SAMD5: variants seen among roughly 807,000 people sequenced by gnomAD.
The protein encoded by SAMD5 is sterile alpha motif domain containing 5.
Under a neutral mutation model 11.3 loss-of-function variants are expected in SAMD5, and 13 were observed. The observed-to-expected ratio is 1.15, with a 90% CI of 0.75 to 1.83. SAMD5 has a LOEUF of 1.83. Ranked by LOEUF, SAMD5 falls within the 40% of genes most tolerant of loss-of-function variation. SAMD5 has a pLI of 0.00. For synonymous variants in SAMD5, 129 were observed against 111.3 expected (o/e 1.16, Z -1.00); for missense variants, 255 against 239.1 (o/e 1.07, Z -0.44).
At chr6:147,777,358 A>G in the SAMD5 span, among the ~76,000 whole-genome samples, 1 of 152,062 alleles carries the variant, frequency 6.6e-6, no homozygotes, top group African/African-American at 2.4e-5. Flanking sequence ...CTCCACTGTC[A>G]TTTCTCAGTC....
chr6:147,734,438 C>T (rs988308066), intron 1 of SAMD5, among the ~76,000 whole-genome samples: 6 of 151,974 alleles, frequency 3.9e-5, no homozygotes, highest in East Asian at 1.9e-4. Flanking sequence ...AGACCCAGAC[C>T]GGGCGTGGTG....
chr6:147,836,168 A>G, the SAMD5 span, among the ~76,000 whole-genome samples: 2 of 152,302 alleles, frequency 1.3e-5, no homozygotes, highest in South Asian at 2.1e-4. Context: ...AGAATTTCTC[A>G]TTAAGCTGAT....
intron 1 of SAMD5, among the ~76,000 whole-genome samples, chr6:147,546,459 G>A (rs2128442618): frequency 6.6e-6 from 1 of 151,762 alleles, no homozygotes; most frequent in East Asian, 1.9e-4. Flanking sequence ...GAACCCAGGA[G>A]GTGGAGTTTG....
chr6:147,579,247 T>C (rs1008204637), intron 1 of SAMD5, among the ~76,000 whole-genome samples: 2 of 152,198 alleles, frequency 1.3e-5, no homozygotes, highest in Non-Finnish European at 2.9e-5. Context: ...TCCTGATACA[T>C]GCTTACATAC....
intron 1 of SAMD5, among the ~76,000 whole-genome samples, chr6:147,646,409 G>A (rs555048006): frequency 2.6e-4 from 40 of 151,114 alleles, no homozygotes; most frequent in African/African-American, 6.7e-4. Context: ...TGACCTGTTC[G>A]GTTTCCACTT....
the SAMD5 span, among the ~76,000 whole-genome samples, chr6:147,940,491 T>C: frequency 6.6e-6 from 1 of 152,294 alleles, no homozygotes; most frequent in South Asian, 2.1e-4. Context: ...GCATTGCAGC[T>C]TTTCTGGCAC....
the SAMD5 span, among the ~76,000 whole-genome samples, chr6:147,753,466 G>A: frequency 9.2e-4 from 140 of 152,214 alleles, no homozygotes; most frequent in Admixed American, 3.7e-3. Flanking sequence ...GGGTACATGC[G>A]ATGTTTTGAT....
intron 1 of SAMD5, among the ~76,000 whole-genome samples, chr6:147,594,811 A>G (rs550989031): frequency 6.6e-6 from 1 of 152,314 alleles, no homozygotes; most frequent in East Asian, 1.9e-4. Context: ...TCTTCAGGTA[A>G]TTCAAGAGGT....
At position 147,630,576 on chromosome 6, in the gene SAMD5, A is replaced by C. The variant is rs939577469; in HGVS notation, c.163-106741A>C. Among the ~76,000 whole-genome samples the C allele has an allele frequency of 2.6e-5, 4 of 151,572 alleles. No individual in the cohort carries two copies. In the South Asian group the frequency reaches 6.3e-4, roughly 24 times the overall value. On this transcript the variant is annotated intron_variant, in intron 1 of 1. Transcript: ENST00000566741. ...CCCCACCCCTGCCAGCCAGAGAGCA[A>C]CCCCCTTTGACTGTAATTTTCCATT...
intron 1 of SAMD5, among the ~76,000 whole-genome samples, chr6:147,718,539 AG>A (rs1295464631): frequency 1.3e-5 from 2 of 152,228 alleles, no homozygotes; most frequent in African/African-American, 4.8e-5. Flanking sequence ...TTACTGAAGT[AG>A]AAAAAGAATA....
intron 1 of SAMD5, among the ~76,000 whole-genome samples, chr6:147,621,384 T>C (rs956228337): frequency 2.0e-5 from 3 of 152,122 alleles, no homozygotes; most frequent in East Asian, 1.9e-4. Flanking sequence ...TGAGTCAAGG[T>C]TGGAGATGGG....
the SAMD5 span, among the ~76,000 whole-genome samples, chr6:147,905,167 C>T: frequency 2.0e-5 from 3 of 151,896 alleles, no homozygotes; most frequent in South Asian, 4.2e-4. Flanking sequence ...GGATTACAGG[C>T]GTGAGCCACT....
At chr6:147,833,186 G>A in the SAMD5 span, among the ~76,000 whole-genome samples, 1 of 152,136 alleles carries the variant, frequency 6.6e-6, no homozygotes, top group East Asian at 1.9e-4. Flanking sequence ...AGGCTGTGTG[G>A]CTCTTTATGC....
At chr6:147,556,892 C>A (rs1562319817) in intron 1 of SAMD5, among the ~76,000 whole-genome samples, 1 of 152,258 alleles carries the variant, frequency 6.6e-6, no homozygotes, top group South Asian at 2.1e-4. Flanking sequence ...AACCTTCTCT[C>A]TTGTCTTGCA....
At chr6:147,625,023 A>G (rs1464196048) in intron 1 of SAMD5, among the ~76,000 whole-genome samples, 3 of 152,166 alleles carry the variant, frequency 2.0e-5, no homozygotes, top group Non-Finnish European at 4.4e-5. Flanking sequence ...AGCGCCCAGA[A>G]CTCAGGGTAG....
chr6:147,880,367 A>C, the SAMD5 span, among the ~76,000 whole-genome samples: 1 of 151,942 alleles, frequency 6.6e-6, no homozygotes, highest in Non-Finnish European at 1.5e-5. Flanking sequence ...TTGCACACAC[A>C]CACACAGAGA....
rs1221733165 is a variant in SAMD5, at chr6:147,569,408, T to C, written c.*4952T>C. On this transcript the variant is annotated 3_prime_UTR_variant, in exon 2 of 2. Coordinates refer to ENST00000367474, the MANE Select transcript of SAMD5 (RefSeq NM_001030060.3). ...ATTCCATGTTAAGAGCTAAGTAGTA[T>C]TTTTTTCTTAACAATTTTGCCAAAA... 2.1e-6 allele frequency: 2 copies of C among 961,568 alleles called. No individual in the cohort carries two copies. Among genetic ancestry groups the C allele is most frequent in the Non-Finnish European group, 2.5e-6 (2 of 808,356 alleles). The allele number at this position is 961,568 out of a possible 1,614,324, so 59.6% of individuals were successfully genotyped here. A position where few individuals can be genotyped will look rare whatever the true frequency, so the allele number is the denominator to read the frequency against.
chr6:147,816,301 A>AATAT, the SAMD5 span, among the ~76,000 whole-genome samples: 128 of 66,320 alleles, frequency 1.9e-3, 2 homozygotes, highest in African/African-American at 4.5e-3. Context: ...AAAAAAAAAA[A>AATAT]ATATATATAT....
chr6:147,670,286 A>G (rs536872049), intron 1 of SAMD5, among the ~76,000 whole-genome samples: 1 of 152,352 alleles, frequency 6.6e-6, no homozygotes, highest in East Asian at 1.9e-4. Context: ...TAGAACACAA[A>G]CAGAGTAAAT....
Sources: allele counts gnomAD v4.1 joint callset (sites outside exome capture counted in the v4.1 genomes callset), GRCh38; gene constraint gnomAD v4.1.1; transcripts MANE v1.5; gene names NCBI Gene and HGNC (gene_info 2026-07-23, HGNC 2026-07-21).